SMC3: variants seen among roughly 807,000 people sequenced by gnomAD.
SMC3 encodes structural maintenance of chromosomes protein 3.
In SMC3, 20 loss-of-function variants were observed where a neutral mutation model predicts 171.8. The ratio of observed to expected loss-of-function variants is 0.12; its 90% CI spans 0.08 to 0.17. The LOEUF is 0.17. Ranked by LOEUF, SMC3 falls within the 10% of genes least tolerant of loss-of-function variation. SMC3 has a pLI of 1.00. For missense variants in SMC3, 543 were observed against 1,420.4 expected (o/e 0.38, Z 9.93); for synonymous variants, 464 against 451.1 (o/e 1.03, Z -0.36).
chr10:110,591,069 A>C lies in SMC3; in HGVS notation c.1749A>C (p.Gly583=). 6.2e-7 allele frequency: 1 copy of C among 1,613,536 alleles called. No homozygotes were observed. Among genetic ancestry groups the C allele is most frequent in the Non-Finnish European group, 8.5e-7 (1 of 1,179,504 alleles). ...AGTTTAATAAAATGAATCTTCCTGG[A>C]GAGGTTACTTTTCTGCCTCTTAACA... ...LMEFNKMNLP[G]EVTFLPLNKL... is the part of the protein sequence containing the mutation. The change falls in exon 17 of 29, where the codon GGA becomes GGC. Residue 583 remains glycine, a synonymous_variant. Coordinates refer to ENST00000361804, the MANE Select transcript of SMC3 (RefSeq NM_005445.4).
At chr10:110,578,852 A>G (rs1416349865) in intron 7 of SMC3, 146 bp downstream of exon 7, 1 of 651,856 alleles carries the variant, frequency 1.5e-6, no homozygotes, top group Non-Finnish European at 2.8e-6. Flanking sequence ...AAATAGGTCC[A>G]TTGCATGTTG....
intron 13 of SMC3, among the ~76,000 whole-genome samples, chr10:110,585,435 C>T (rs1861096801): frequency 6.6e-6 from 1 of 151,616 alleles, no homozygotes; most frequent in Non-Finnish European, 1.5e-5. Flanking sequence ...ATTACAGGTG[C>T]CTGCCACCAC....
rs899042232 is a variant in SMC3 at position 110,601,749 on chromosome 10, T to G, written c.2757T>G (p.Thr919=). The change falls in exon 24 of 29, where the codon ACT becomes ACG. Residue 919 remains threonine, a synonymous_variant. Coordinates refer to ENST00000361804, the MANE Select transcript of SMC3 (RefSeq NM_005445.4). ...ATATGGATGCTATAAATCATGATAC[T>G]AAAGAACTGGAAAAGATGACAAATC... ...KEHMDAINHD[T]KELEKMTNRQ... is the part of the protein sequence containing the mutation. The G allele has an allele frequency of 1.2e-6, 2 of 1,613,746 alleles. No individual in the cohort carries two copies. Among genetic ancestry groups the G allele is most frequent in the African/African-American group, 1.3e-5 (1 of 74,990 alleles).
At chr10:110,601,341 GATTC>G (rs1274867023) in intron 23 of SMC3, among the ~76,000 whole-genome samples, 2 of 152,106 alleles carry the variant, frequency 1.3e-5, no homozygotes, top group African/African-American at 4.8e-5. Context: ...GACCATAAAT[GATTC>G]ATTTTGTTGA....
In SMC3 at chr10:110,583,758, G is replaced by GT. The variant is rs1216385386; in HGVS notation, c.970-76dup. ...TGTTACAGGTGGGTTTTCTCATGAAGTTTTTTTCCTGAGAAAACATTTATG... is the reference window on the plus strand; with the variant it reads ...TGTTACAGGTGGGTTTTCTCATGAAGTTTTTTTTCCTGAGAAAACATTTATG... On this transcript the variant is annotated intron_variant, in intron 11 of 28. Coordinates refer to ENST00000361804, the MANE Select transcript of SMC3 (RefSeq NM_005445.4). The GT allele has an allele frequency of 5.3e-6, 8 of 1,502,368 alleles. No individual in the cohort carries two copies. The African/African-American group carries it at 8.4e-5, about 16-fold the overall frequency. The allele number at this position is 1,502,368 out of a possible 1,614,324, so 93.1% of individuals were successfully genotyped here.
intron 19 of SMC3, among the ~76,000 whole-genome samples, chr10:110,597,772 A>G (rs1452463103): frequency 6.6e-6 from 1 of 152,230 alleles, no homozygotes; most frequent in Non-Finnish European, 1.5e-5. Context: ...ATAAACCCTT[A>G]ACATAGTGCC....
At position 110,601,903 on chromosome 10, in the gene SMC3, G is replaced by T; in HGVS notation, c.2892+19G>T. 1 of 1,613,484 alleles carries T rather than the reference G, an allele frequency of 6.2e-7. No individual in the cohort carries two copies. Among genetic ancestry groups the T allele is most frequent in the Non-Finnish European group, 8.5e-7 (1 of 1,179,584 alleles). The stretch of plus-strand genomic sequence containing the variant: ...CAAACAGGTTGGTTTTAAATTTGAA[G>T]TCTTGTTACAAATTGCTCAGTATAT... On this transcript the variant is annotated intron_variant, in intron 24 of 28. Coordinates refer to ENST00000361804, the MANE Select transcript of SMC3 (RefSeq NM_005445.4).
intron 8 of SMC3, among the ~76,000 whole-genome samples, chr10:110,581,439 G>C (rs1020688843): frequency 6.6e-6 from 1 of 151,900 alleles, no homozygotes; most frequent in Non-Finnish European, 1.5e-5. Flanking sequence ...GGCTGATCTC[G>C]AACTCCTGAC....
At position 110,605,135 on chromosome 10, in the gene SMC3, G is replaced by T. The variant is rs1861449166; in HGVS notation, c.*833G>T. On this transcript the variant is annotated 3_prime_UTR_variant, in exon 29 of 29. Transcript: ENST00000361804. ...AGTATTCTCATTACCTCATATAATA[G>T]TACATATTATTAACATGTTTTATCA... 6.6e-6 allele frequency among the ~76,000 whole-genome samples: 1 copy of T among 152,090 alleles called. No individual in the cohort carries two copies. The highest frequency in any genetic ancestry group is 2.4e-5 in the African/African-American group (1 of 41,408).
chr10:110,604,522 G>A lies in SMC3; in HGVS notation c.*220G>A. 4.1e-6 allele frequency: 2 copies of A among 486,742 alleles called. No individual in the cohort carries two copies. The highest frequency in any genetic ancestry group is 2.5e-5 in the South Asian group (1 of 39,706). The allele number at this position is 486,742 out of a possible 1,614,324, so 30.2% of individuals were successfully genotyped here. ...TTTCCTGTACAACTTTTTGTAAAAT[G>A]TTCTGCTCCTATTTTAAATGTTTTG... On this transcript the variant is annotated 3_prime_UTR_variant, in exon 29 of 29. Transcript: ENST00000361804.
chr10:110,589,143 A>C (rs1470714318), intron 13 of SMC3, among the ~76,000 whole-genome samples: 1 of 152,128 alleles, frequency 6.6e-6, no homozygotes, highest in Non-Finnish European at 1.5e-5. Flanking sequence ...TAATCTCAGC[A>C]CTTTGGGAGG....
At chr10:110,599,627 T>TA (rs1298696843) in intron 20 of SMC3, 27 bp from the exon 21 acceptor site, 7 of 1,606,136 alleles carry the variant, frequency 4.4e-6, no homozygotes, top group Non-Finnish European at 6.0e-6. Context: ...GCTAATACCT[T>TA]ACTAATAAAT....
intron 1 of SMC3, chr10:110,568,265 C>CG: frequency 9.4e-6 from 2 of 212,968 alleles, no homozygotes; most frequent in Non-Finnish European, 1.9e-5. Flanking sequence ...TTCCCCGGCC[C>CG]GGGGGCGGCC....
chr10:110,584,490 A>G (rs2134728033), intron 13 of SMC3, 94 bp downstream of exon 13: 3 of 839,770 alleles, frequency 3.6e-6, no homozygotes, highest in African/African-American at 1.7e-5. Context: ...AAATAAGTCT[A>G]CATGTTGCTC....
chr10:110,589,837 T>A, intron 14 of SMC3, 55 bp from the exon 15 acceptor site: 2 of 1,536,028 alleles, frequency 1.3e-6, no homozygotes, highest in Non-Finnish European at 1.8e-6. Flanking sequence ...TGTATACTGT[T>A]AATGCATCCT....
Position 110,581,025 on chromosome 10 carries a change from A to T in SMC3, c.547+4A>T. 2.1e-6 allele frequency: 3 copies of T among 1,461,948 alleles called. No homozygotes were observed. Among genetic ancestry groups the T allele is most frequent in the East Asian group, 4.5e-5 (2 of 44,126 alleles). The allele number at this position is 1,461,948 out of a possible 1,614,324, so 90.6% of individuals were successfully genotyped here. ...ATCTCCTTAATGAAAGAAACAGGTAAAATAAATGTGATTCTGCCTTATTTT... is the reference window on the plus strand; with the variant it reads ...ATCTCCTTAATGAAAGAAACAGGTATAATAAATGTGATTCTGCCTTATTTT... On this transcript the variant is annotated splice_donor_region_variant and intron_variant, in intron 8 of 28. Coordinates refer to ENST00000361804, the MANE Select transcript of SMC3 (RefSeq NM_005445.4).
In SMC3 at chr10:110,576,813, G is replaced by A. The variant is rs370495188; in HGVS notation, c.199-608G>A. 3.3e-5 allele frequency among the ~76,000 whole-genome samples: 5 copies of A among 152,212 alleles called. No individual in the cohort carries two copies. In the East Asian group the frequency reaches 5.8e-4, roughly 18 times the overall value. On this transcript the variant is annotated intron_variant, in intron 4 of 28. Coordinates refer to ENST00000361804, the MANE Select transcript of SMC3 (RefSeq NM_005445.4). Reference sequence around the variant, plus strand: ...GTTTCTATAATCTGGAAGGTATCTGGACTTGGTACCATAGTTTTTGTGTCA... The same window carrying A: ...GTTTCTATAATCTGGAAGGTATCTGAACTTGGTACCATAGTTTTTGTGTCA...
chr10:110,568,259 C>G (rs911555299), intron 1 of SMC3: 1 of 220,598 alleles, frequency 4.5e-6, no homozygotes, highest in African/African-American at 2.3e-5. Flanking sequence ...GGTGGCTTCC[C>G]CGGCCCGGGG....
chr10:110,590,867 T>C, intron 16 of SMC3, 124 bp from the exon 17 acceptor site: 2 of 885,968 alleles, frequency 2.3e-6, no homozygotes, highest in Non-Finnish European at 3.6e-6. Context: ...TTTATAACAT[T>C]TTAAAAGTGC....
Sources: allele counts gnomAD v4.1 joint callset (sites outside exome capture counted in the v4.1 genomes callset), GRCh38; gene constraint gnomAD v4.1.1; transcripts MANE v1.5; gene names NCBI Gene and HGNC (gene_info 2026-07-23, HGNC 2026-07-21).